Variants in GLI2 observed in about 807,000 individuals in gnomAD.
GLI2 encodes transcription activator GLI2.
In GLI2, 22 loss-of-function variants were observed where a neutral mutation model predicts 78.9. That is an observed-to-expected ratio of 0.28 (90% CI 0.20 to 0.40). The LOEUF is 0.40. Among genes scored for constraint, GLI2 ranks in the 10% least tolerant of loss-of-function variants. The probability of loss-of-function intolerance (pLI) is 1.00; values close to 1 mark genes in which losing one functional copy is unlikely to be tolerated. For synonymous variants in GLI2, 974 were observed against 963.7 expected (o/e 1.01, Z -0.20); for missense variants, 2,097 against 2,213.2 (o/e 0.95, Z 1.05).
rs543559410 is a variant in GLI2, at chr2:120,859,438, A to G, written c.148+61970A>G. On this transcript the variant is annotated intron_variant, in intron 2 of 13. Coordinates refer to ENST00000361492, the MANE Select transcript of GLI2 (RefSeq NM_001374353.1). ...TGCAGCTCTGCCTCACAACAGCCCT[A>G]CAGATACTCCCTCCTTTTTTTTTTT... 6.1e-5 allele frequency among the ~76,000 whole-genome samples: 9 copies of G among 148,014 alleles called. No homozygotes were observed. In the East Asian group the frequency reaches 1.6e-3, roughly 27 times the overall value.
intron 1 of GLI2, among the ~76,000 whole-genome samples, chr2:120,765,432 G>T (rs1683337799): frequency 6.6e-6 from 1 of 152,242 alleles, no homozygotes; most frequent in Non-Finnish European, 1.5e-5. Context: ...CAACCCAGGG[G>T]AGTCAAATGC....
At chr2:120,956,592 G>A (rs568905583) in intron 5 of GLI2, among the ~76,000 whole-genome samples, 2 of 152,232 alleles carry the variant, frequency 1.3e-5, no homozygotes, top group Admixed American at 1.3e-4. Flanking sequence ...ACACAGGGAG[G>A]CAGGGCAGCC....
At chr2:120,951,772 G>C (rs764633523) in intron 4 of GLI2, 47 of 264,624 alleles carry the variant, frequency 1.8e-4, no homozygotes, top group Middle Eastern at 1.1e-3. Context: ...GTTAGGAAAG[G>C]GGATGTTGTG....
rs372653597 is a variant in GLI2 at position 120,943,355 on chromosome 2, A to G, written c.255-7888A>G. ...AAGGGCAAAGCTGTGAGAGGCAAGC[A>G]TGGCCAAGGACCAGAGAGTGGCATA... On this transcript the variant is annotated intron_variant, in intron 3 of 13. Coordinates refer to ENST00000361492, the MANE Select transcript of GLI2 (RefSeq NM_001374353.1). Among the ~76,000 whole-genome samples, 16 of 152,322 alleles carry G rather than the reference A, an allele frequency of 1.1e-4. No homozygotes were observed. The South Asian group carries it at 2.3e-3, about 22-fold the overall frequency.
At chr2:120,925,879 T>C (rs1006031383) in intron 2 of GLI2, among the ~76,000 whole-genome samples, 2 of 151,364 alleles carry the variant, frequency 1.3e-5, no homozygotes, top group Admixed American at 1.3e-4. Context: ...GAGACCATCC[T>C]GGCTAACACG....
rs267598855 is a variant in GLI2, at chr2:120,982,824, G to A, written c.1576G>A (p.Ala526Thr). The change falls in exon 11 of 14, where the codon GCC becomes ACC. Residue 526 changes from alanine to threonine, a missense_variant. Coordinates refer to ENST00000361492, the MANE Select transcript of GLI2 (RefSeq NM_001374353.1). ...GTGTGAGCACGAGGGCTGCAACAAA[G>A]CCTTCTCCAACGCCTCGGACCGCGC... ...YVCEHEGCNK[A>T]FSNASDRAKH... is the part of the protein sequence containing the mutation. The A allele has an allele frequency of 6.2e-7, 1 of 1,614,184 alleles. No homozygotes were observed. Among genetic ancestry groups the A allele is most frequent in the Non-Finnish European group, 8.5e-7 (1 of 1,180,010 alleles).
rs531461160 is a variant in GLI2, at chr2:120,845,550, G to A, written c.148+48082G>A. Among the ~76,000 whole-genome samples, 6 of 152,274 alleles carry A rather than the reference G, an allele frequency of 3.9e-5. No homozygotes were observed. The South Asian group carries it at 8.3e-4, about 21-fold the overall frequency. On this transcript the variant is annotated intron_variant, in intron 2 of 13. Coordinates refer to ENST00000361492, the MANE Select transcript of GLI2 (RefSeq NM_001374353.1). ...CTCCAGTCTCCTTCTCAGACACTCC[G>A]CCCAGTTTTGGGTGGCCTGGGGACT... is the stretch of plus-strand genomic sequence containing the variant.
intron 1 of GLI2, among the ~76,000 whole-genome samples, chr2:120,770,253 G>T (rs1361257894): frequency 6.6e-6 from 1 of 152,080 alleles, no homozygotes; most frequent in Non-Finnish European, 1.5e-5. Context: ...CCCACCCCCA[G>T]CCTCCTCCTG....
chr2:120,835,542 C>T (rs1356744312), intron 2 of GLI2, among the ~76,000 whole-genome samples: 1 of 152,184 alleles, frequency 6.6e-6, no homozygotes, highest in East Asian at 1.9e-4. Context: ...CCCGCCACCA[C>T]ACCTGGCTAA....
intron 2 of GLI2, among the ~76,000 whole-genome samples, chr2:120,824,826 TTTGTTG>T (rs371965408): frequency 2.0e-5 from 3 of 152,110 alleles, no homozygotes; most frequent in East Asian, 1.9e-4. Flanking sequence ...ATGGCATTTC[TTTGTTG>T]TTGTTGTTGT....
At chr2:120,972,170 A>C in intron 8 of GLI2, 107 bp downstream of exon 8, 1 of 1,244,066 alleles carries the variant, frequency 8.0e-7, no homozygotes. Flanking sequence ...GGCTGCCTGC[A>C]TGGATGAATG....
intron 1 of GLI2, among the ~76,000 whole-genome samples, chr2:120,762,304 A>T (rs570818528): frequency 6.6e-6 from 1 of 152,266 alleles, no homozygotes; most frequent in African/African-American, 2.4e-5. Flanking sequence ...TGACCTCAGC[A>T]CCTAACTTGC....
intron 5 of GLI2, among the ~76,000 whole-genome samples, chr2:120,967,166 G>A (rs1233021855): frequency 6.6e-6 from 1 of 152,350 alleles, no homozygotes; most frequent in East Asian, 1.9e-4. Flanking sequence ...GGGGAACCCG[G>A]AGGCCTGGAA....
At chr2:120,891,316 T>G (rs371861121) in intron 2 of GLI2, among the ~76,000 whole-genome samples, 83 of 152,300 alleles carry the variant, frequency 5.4e-4, no homozygotes, top group African/African-American at 1.9e-3. Context: ...AAGGAATTTC[T>G]TGAGAGGCAG....
chr2:120,989,137 A>C lies in GLI2; in HGVS notation c.3172A>C (p.Ser1058Arg), dbSNP rs1683148020. ...DVVQYIKAHA[S>R]GALDEGTGQV... ...GGTGCAGTACATCAAGGCGCACGCC[A>C]GTGGCGCTCTGGACGAGGGCACCGG... Residue 1058 changes from serine to arginine, a missense_variant, in exon 14 of 14, where the codon AGT (serine) becomes CGT (arginine). Around this residue, in one of 5 missense-constraint regions of GLI2, gnomAD observed 1,290 missense variants for 1,261.7 expected, o/e 1.02. Transcript: ENST00000361492. The C allele has an allele frequency of 6.2e-7, 1 of 1,613,038 alleles. No individual in the cohort carries two copies. The highest frequency in any genetic ancestry group is 8.5e-7 in the Non-Finnish European group (1 of 1,179,956).
intron 2 of GLI2, among the ~76,000 whole-genome samples, chr2:120,861,907 A>G (rs1687920702): frequency 6.6e-6 from 1 of 152,230 alleles, no homozygotes; most frequent in Non-Finnish European, 1.5e-5. Flanking sequence ...GCAGCTCGGC[A>G]GATTTCAATG....
intron 3 of GLI2, among the ~76,000 whole-genome samples, chr2:120,937,112 G>C (rs1680236294): frequency 6.6e-6 from 1 of 152,180 alleles, no homozygotes; most frequent in Non-Finnish European, 1.5e-5. Flanking sequence ...AGTAGCAAGA[G>C]TTCAGAGTTG....
At chr2:120,755,927 T>C (rs1193931444) in intron 1 of GLI2, among the ~76,000 whole-genome samples, 1 of 152,226 alleles carries the variant, frequency 6.6e-6, no homozygotes, top group Non-Finnish European at 1.5e-5. Flanking sequence ...TCTATTCTTT[T>C]GATCTATTTG....
intron 2 of GLI2, among the ~76,000 whole-genome samples, chr2:120,879,046 GTC>G (rs1248512970): frequency 6.6e-6 from 1 of 152,142 alleles, no homozygotes; most frequent in African/African-American, 2.4e-5. Flanking sequence ...GATAGTGTGT[GTC>G]TCCTCCGGCA....
Sources: allele counts gnomAD v4.1 joint callset (sites outside exome capture counted in the v4.1 genomes callset), GRCh38; gene constraint gnomAD v4.1.1; regional missense constraint gnomAD v4.1.1; transcripts MANE v1.5; gene names NCBI Gene and HGNC (gene_info 2026-07-23, HGNC 2026-07-21).